The following PHLPP1 variants were observed in gnomAD, a reference collection of about 807,000 sequenced individuals.
The protein encoded by PHLPP1 is PH domain and leucine rich repeat protein phosphatase 1, also known as PH domain leucine-rich repeat-containing protein phosphatase 1.
A neutral mutation model predicts 117.2 loss-of-function variants in PHLPP1; 42 were observed. That is an observed-to-expected ratio of 0.36 (90% CI 0.28 to 0.46). The LOEUF is 0.46. Ranked by LOEUF, PHLPP1 falls within the 20% of genes least tolerant of loss-of-function variation. The pLI, the probability that PHLPP1 is intolerant of heterozygous loss-of-function variation, is 1.00. For synonymous variants in PHLPP1, 1,042 were observed against 970.7 expected (o/e 1.07, Z -1.37); for missense variants, 2,084 against 2,241.9 (o/e 0.93, Z 1.42).
intron 1 of PHLPP1, among the ~76,000 whole-genome samples, chr18:62,790,432 A>G (rs529864150): frequency 6.6e-6 from 1 of 152,236 alleles, no homozygotes; most frequent in Non-Finnish European, 1.5e-5. Context: ...AAGAAAAGGT[A>G]CTTGCTATTT....
At chr18:62,817,084 G>A (rs1183231507) in intron 1 of PHLPP1, among the ~76,000 whole-genome samples, 1 of 152,122 alleles carries the variant, frequency 6.6e-6, no homozygotes, top group East Asian at 1.9e-4. Flanking sequence ...TGGGACTACA[G>A]GTGCACGCCA....
chr18:62,772,915 C>G (rs1244273), intron 1 of PHLPP1, among the ~76,000 whole-genome samples: 1 of 150,926 alleles, frequency 6.6e-6, no homozygotes. Flanking sequence ...AAATACAATC[C>G]TTATATATAG....
intron 1 of PHLPP1, among the ~76,000 whole-genome samples, chr18:62,752,338 C>T (rs1055761392): frequency 7.9e-5 from 12 of 152,150 alleles, no homozygotes; most frequent in Non-Finnish European, 1.8e-4. Flanking sequence ...TTCAAGCAAA[C>T]ATCTAAACAT....
intron 16 of PHLPP1, among the ~76,000 whole-genome samples, chr18:62,977,516 C>T (rs1313444967): frequency 6.6e-6 from 1 of 150,878 alleles, no homozygotes; most frequent in Non-Finnish European, 1.5e-5. Flanking sequence ...AGCATGCACA[C>T]AGCTGAACTA....
chr18:62,776,558 T>C (rs768359878), intron 1 of PHLPP1, among the ~76,000 whole-genome samples: 4 of 152,082 alleles, frequency 2.6e-5, no homozygotes, highest in Non-Finnish European at 5.9e-5. Context: ...AGAATGACTT[T>C]GAGATTCACC....
intron 1 of PHLPP1, among the ~76,000 whole-genome samples, chr18:62,782,776 AG>A (rs1489981418): frequency 6.6e-6 from 1 of 152,134 alleles, no homozygotes; most frequent in Non-Finnish European, 1.5e-5. Flanking sequence ...AGAAATAACA[AG>A]GGGTAGTGAC....
intron 1 of PHLPP1, among the ~76,000 whole-genome samples, chr18:62,764,751 A>G (rs985215636): frequency 1.3e-5 from 2 of 152,228 alleles, no homozygotes; most frequent in African/African-American, 4.8e-5. Context: ...TGTGCCTGGC[A>G]TGTGACAAGC....
chr18:62,972,691 A>C lies in PHLPP1; in HGVS notation c.3738A>C (p.Thr1246=). 6.2e-7 allele frequency: 1 copy of C among 1,612,180 alleles called. No homozygotes were observed. Among genetic ancestry groups the C allele is most frequent in the African/African-American group, 1.3e-5 (1 of 75,020 alleles). Reference sequence around the variant, plus strand: ...ACGAAGAAGAATACATGGTCAATACATTCATTGTCATGCAAAGGTAAAACT... The same window carrying C: ...ACGAAGAAGAATACATGGTCAATACCTTCATTGTCATGCAAAGGTAAAACT... ...TKNEEEYMVN[T]FIVMQRKLGT... is the part of the protein sequence containing the mutation. Residue 1246 remains threonine (T), a synonymous_variant, in exon 15 of 17, where the codon ACA becomes ACC. Transcript: ENST00000262719.
intron 4 of PHLPP1, among the ~76,000 whole-genome samples, chr18:62,880,049 T>C (rs2144382936): frequency 6.6e-6 from 1 of 152,322 alleles, no homozygotes; most frequent in East Asian, 1.9e-4. Flanking sequence ...GTTCTCAAAT[T>C]GTTTCAAGTT....
chr18:62,766,074 A>ATATATATAT (rs1184323933), intron 1 of PHLPP1, among the ~76,000 whole-genome samples: 16 of 18,230 alleles, frequency 8.8e-4, no homozygotes, highest in Admixed American at 5.6e-3. Flanking sequence ...AAAAAAAAAA[A>ATATATATAT]AAATATATAT....
intron 1 of PHLPP1, among the ~76,000 whole-genome samples, chr18:62,756,761 T>C (rs1912034669): frequency 6.6e-6 from 1 of 152,326 alleles, no homozygotes; most frequent in African/African-American, 2.4e-5. Context: ...AATTGTAATA[T>C]ACCCATTCTG....
intron 2 of PHLPP1, among the ~76,000 whole-genome samples, chr18:62,830,506 G>A (rs373737049): frequency 6.6e-6 from 1 of 152,264 alleles, no homozygotes; most frequent in South Asian, 2.1e-4. Context: ...TGGGATTACA[G>A]GTGTGAGCCA....
chr18:62,946,352 G>C (rs1398318414), intron 12 of PHLPP1, among the ~76,000 whole-genome samples: 1 of 152,100 alleles, frequency 6.6e-6, no homozygotes, highest in Non-Finnish European at 1.5e-5. Context: ...ACCTCTCTCT[G>C]TCTTCCGGGT....
rs529285992 is a variant in PHLPP1 at position 62,940,911 on chromosome 18, C to T, written c.2961-807C>T. Among the ~76,000 whole-genome samples the T allele has an allele frequency of 3.0e-4, 46 of 152,274 alleles. No homozygotes were observed. In the South Asian group the frequency reaches 7.1e-3, roughly 23 times the overall value. On this transcript the variant is annotated intron_variant, in intron 10 of 16. Transcript: ENST00000262719. ...TCCTGGATACTGCCTCCTTTCCCTC[C>T]CCACCTAAGAGTTACTGCCATCCTG...
At chr18:62,867,977 A>G (rs375182420) in intron 4 of PHLPP1, among the ~76,000 whole-genome samples, 2 of 151,902 alleles carry the variant, frequency 1.3e-5, no homozygotes, top group East Asian at 3.9e-4. Context: ...ACGCCCGGCT[A>G]ATTTTTCTAT....
chr18:62,841,860 A>G (rs1915060858), intron 3 of PHLPP1, among the ~76,000 whole-genome samples: 1 of 152,218 alleles, frequency 6.6e-6, no homozygotes, highest in Non-Finnish European at 1.5e-5. Flanking sequence ...ACTAATTAGA[A>G]TAAGACCTTC....
At chr18:62,833,888 C>T (rs1413107582) in intron 2 of PHLPP1, among the ~76,000 whole-genome samples, 1 of 152,118 alleles carries the variant, frequency 6.6e-6, no homozygotes, top group East Asian at 1.9e-4. Flanking sequence ...ATGCAAGTAC[C>T]TTTTCTAAGA....
chr18:62,944,806 G>C (rs933193276), intron 11 of PHLPP1, among the ~76,000 whole-genome samples: 9 of 152,138 alleles, frequency 5.9e-5, no homozygotes, highest in Non-Finnish European at 1.2e-4. Flanking sequence ...TTAGTGTTCA[G>C]ACCAAGCTAT....
Position 62,975,603 on chromosome 18 carries a change from A to G in PHLPP1, c.3962A>G (p.Gln1321Arg), listed in dbSNP as rs376184836. ...SCEEELKRIK[Q>R]HKAIITEDGK... is the part of the protein sequence containing the mutation. ...GAAGAAGAGCTGAAGAGGATTAAAC[A>G]GCACAAGGCCATTATCACTGAGGTG... Residue 1321 changes from glutamine to arginine, a missense_variant, in exon 16 of 17, where the codon CAG becomes CGG. Gln to Arg is a conservative substitution (Grantham distance 43). Transcript: ENST00000262719. 5 of 1,611,846 alleles carry G rather than the reference A, an allele frequency of 3.1e-6. No individual in the cohort carries two copies. The highest frequency in any genetic ancestry group is 1.6e-4 in the Middle Eastern group (1 of 6,080).
Sources: gnomAD v4.1 joint callset for allele counts (sites outside exome capture counted in the v4.1 genomes callset) on GRCh38, gnomAD v4.1.1 for gene constraint, MANE v1.5 for transcripts, NCBI Gene and HGNC (gene_info 2026-07-23, HGNC 2026-07-21) for gene names.